ZCWPW1: variants seen among roughly 807,000 people sequenced by gnomAD.
ZCWPW1 encodes the protein zinc finger CW-type and PWWP domain containing 1, also known as zinc finger CW-type PWWP domain protein 1.
ZCWPW1 carries 56 observed loss-of-function variants against 81.3 expected under a neutral mutation model. The observed-to-expected ratio is 0.69, with a 90% CI of 0.56 to 0.86. The LOEUF (loss-of-function observed/expected upper bound fraction) is 0.86. ZCWPW1 is among the 40% of genes least tolerant of loss of function. ZCWPW1 has a pLI of 0.00. For synonymous variants in ZCWPW1, 250 were observed against 273.7 expected (o/e 0.91, Z 0.86); for missense variants, 650 against 769.8 (o/e 0.84, Z 1.84).
At chr7:100,424,407 G>A (rs746825816) in intron 2 of ZCWPW1, among the ~76,000 whole-genome samples, 26 of 152,166 alleles carry the variant, frequency 1.7e-4, no homozygotes, top group African/African-American at 4.6e-4. Flanking sequence ...GGACTCCCTC[G>A]TTTATCTTTG....
intron 8 of ZCWPW1, among the ~76,000 whole-genome samples, chr7:100,412,787 T>C (rs1794459457): frequency 6.6e-6 from 1 of 152,192 alleles, no homozygotes; most frequent in Admixed American, 6.5e-5. Flanking sequence ...TTCACCATGT[T>C]AGCCAGGATG....
intron 1 of ZCWPW1, among the ~76,000 whole-genome samples, chr7:100,426,058 T>A (rs530160765): frequency 9.2e-5 from 14 of 152,204 alleles, no homozygotes; most frequent in Non-Finnish European, 2.1e-4. Flanking sequence ...CCATTCAGAA[T>A]GTGTTCCCAA....
rs1381302840 is a variant in ZCWPW1 at position 100,408,520 on chromosome 7, CTG to C, written c.992+17_992+18del. ...CCCAAGTTTGTGAAGGATGCTCTGA[CTG>C]TGTCATAATGCCCTACCAGGGGTAA... On this transcript the variant is annotated intron_variant, in intron 10 of 17. Transcript: ENST00000684423. 3 of 1,608,826 alleles carry C rather than the reference CTG, an allele frequency of 1.9e-6. No individual in the cohort carries two copies. The highest frequency in any genetic ancestry group is 2.5e-6 in the Non-Finnish European group (3 of 1,178,040).
At position 100,417,178 on chromosome 7, in the gene ZCWPW1, C is replaced by A; in HGVS notation, c.367G>T (p.Gly123Ter). The A allele has an allele frequency of 6.2e-7, 1 of 1,613,354 alleles. No homozygotes were observed. Among genetic ancestry groups the A allele is most frequent in the Non-Finnish European group, 8.5e-7 (1 of 1,179,688 alleles). ...QKSLQECLGM[G>*]SGLDFAETSC... ...GTCTCTGCAAAATCAAGGCCAGATC[C>A]CATCCCTCCCAAAACAAAATACTAT... Residue 123 changes from glycine to a stop codon, truncating the protein, a stop_gained, in exon 6 of 18, where the codon GGA becomes TGA. Coordinates refer to ENST00000684423, the MANE Select transcript of ZCWPW1 (RefSeq NM_001386010.1). LOFTEE classifies it high-confidence loss of function.
chr7:100,417,053 GAAAT>G lies in ZCWPW1; in HGVS notation c.479+9_479+12del. The G allele has an allele frequency of 6.2e-7, 1 of 1,604,554 alleles. No individual in the cohort carries two copies. Among genetic ancestry groups the G allele is most frequent in the Non-Finnish European group, 8.5e-7 (1 of 1,171,596 alleles). On this transcript the variant is annotated intron_variant, in intron 6 of 17. Transcript: ENST00000684423. The stretch of plus-strand genomic sequence containing the variant: ...CATTCTGTGTTCAACTTGCCTCACT[GAAAT>G]AAACTTACCCATTAGCATTATCAGT...
chr7:100,425,195 T>C (rs1417796636), intron 1 of ZCWPW1, 59 bp from the exon 2 acceptor site: 1 of 152,208 alleles, frequency 6.6e-6, no homozygotes, highest in Non-Finnish European at 1.5e-5. Context: ...AAAATACCAC[T>C]AACTTTCTTC....
chr7:100,403,900 T>C (rs1266301092), intron 14 of ZCWPW1, 115 bp from the exon 15 acceptor site: 1 of 1,143,844 alleles, frequency 8.7e-7, no homozygotes, highest in Non-Finnish European at 1.3e-6. Context: ...ACAAGTGGTA[T>C]TTTCTCCATA....
Position 100,420,641 on chromosome 7 carries a change from T to G in ZCWPW1, c.9A>C (p.Thr3=). 6.2e-7 allele frequency: 1 copy of G among 1,614,100 alleles called. No individual in the cohort carries two copies. Among genetic ancestry groups the G allele is most frequent in the Non-Finnish European group, 8.5e-7 (1 of 1,180,024 alleles). ...ACTCACCTTCTTTATTCTGCAACGT[T>G]GTCATCATTCAGCTTAGAAACTACG... MM[T]TLQNKEECGK... The change falls in exon 3 of 18, where the codon ACA becomes ACC. Residue 3 remains threonine, a synonymous_variant. Transcript: ENST00000684423.
intron 2 of ZCWPW1, among the ~76,000 whole-genome samples, chr7:100,421,200 TGCCTAGAACCATGTCCA>T (rs1563148134): frequency 6.6e-6 from 1 of 152,154 alleles, no homozygotes; most frequent in African/African-American, 2.4e-5. Flanking sequence ...GTGTTTTATG[TGCCTAGAACCATGTCCA>T]GCCTAGAACC....
rs1563145753 is a variant in ZCWPW1 at position 100,419,619 on chromosome 7, A to G, written c.282+11T>C. On this transcript the variant is annotated intron_variant, in intron 4 of 17. Coordinates refer to ENST00000684423, the MANE Select transcript of ZCWPW1 (RefSeq NM_001386010.1). ...AAATCTCCTACCAGAGCCCACCACT[A>G]TGACTGGTACCTTTTCTTTCTTCTC... 6.2e-7 allele frequency: 1 copy of G among 1,604,570 alleles called. No individual in the cohort carries two copies. The highest frequency in any genetic ancestry group is 8.5e-7 in the Non-Finnish European group (1 of 1,176,536).
intron 15 of ZCWPW1, among the ~76,000 whole-genome samples, chr7:100,402,896 G>C (rs998338382): frequency 5.3e-5 from 8 of 152,188 alleles, no homozygotes; most frequent in Non-Finnish European, 8.8e-5. Context: ...GAGATGCTAA[G>C]AAAACAAGTG....
At chr7:100,407,402 T>A (rs1004885764) in intron 10 of ZCWPW1, 99 bp from the exon 11 acceptor site, 1 of 1,122,576 alleles carries the variant, frequency 8.9e-7, no homozygotes, top group Non-Finnish European at 1.3e-6. Flanking sequence ...GCAGTATGAT[T>A]TTTTTTCTGA....
At chr7:100,421,550 A>G (rs1342877882) in intron 2 of ZCWPW1, among the ~76,000 whole-genome samples, 3 of 152,248 alleles carry the variant, frequency 2.0e-5, no homozygotes, top group Non-Finnish European at 4.4e-5. Context: ...GAAGTATTTG[A>G]TAACCAGTAG....
Position 100,419,091 on chromosome 7 carries a change from T to G in ZCWPW1, c.361+20A>C. The G allele has an allele frequency of 6.2e-7, 1 of 1,608,016 alleles. No homozygotes were observed. The highest frequency in any genetic ancestry group is 8.5e-7 in the Non-Finnish European group (1 of 1,175,818). On this transcript the variant is annotated intron_variant, in intron 5 of 17. Transcript: ENST00000684423. ...GTCACTGCTTAACTGAAACCCTTTT[T>G]CTCTTACTACATGCCATACCCAAGC...
intron 5 of ZCWPW1, 22 bp from the exon 6 acceptor site, chr7:100,417,205 A>T: frequency 6.3e-7 from 1 of 1,594,146 alleles, no homozygotes; most frequent in Non-Finnish European, 8.6e-7. Context: ...AAATACTATA[A>T]GCAGAGAAGC....
rs201574533 is a variant in ZCWPW1, at chr7:100,406,758, C to G, written c.1109G>C (p.Arg370Pro). 1 of 1,613,982 alleles carries G rather than the reference C, an allele frequency of 6.2e-7. No homozygotes were observed. The highest frequency in any genetic ancestry group is 1.3e-5 in the African/African-American group (1 of 74,898). The change falls in exon 12 of 18, where the codon CGT becomes CCT. Residue 370 changes from arginine to proline, a missense_variant. Physicochemically the swap from Arg to Pro is moderately radical, Grantham distance 103. Coordinates refer to ENST00000684423, the MANE Select transcript of ZCWPW1 (RefSeq NM_001386010.1). ...HVTFFGETVS[R>P]AWIPVNMLKN... The stretch of plus-strand genomic sequence containing the variant: ...TAGCATGTTGACTGGGATCCATGCA[C>G]GAGAAACTGTTTCTCCAAAAAACGT...
chr7:100,412,797 G>T (rs1381425293), intron 8 of ZCWPW1, among the ~76,000 whole-genome samples: 1 of 152,136 alleles, frequency 6.6e-6, no homozygotes, highest in African/African-American at 2.4e-5. Context: ...TAGCCAGGAT[G>T]GTCTTGATCT....
chr7:100,405,053 G>A lies in ZCWPW1; in HGVS notation c.1214C>T (p.Ala405Val), dbSNP rs1412126028. ...RNDCSQKLGV[A>V]LMMAQEAEQI... ...TTCTGCCTCTTGAGCCATCATCAGG[G>A]CCACCCCCAGTTTCTGGCTGCAGTC... Residue 405 changes from alanine to valine, a missense_variant, in exon 13 of 18, where the codon GCC (alanine) becomes GTC (valine). Transcript: ENST00000684423. The A allele has an allele frequency of 1.9e-6, 3 of 1,613,464 alleles. No homozygotes were observed. The highest frequency in any genetic ancestry group is 1.3e-5 in the African/African-American group (1 of 74,986).
intron 12 of ZCWPW1, 148 bp downstream of exon 12, chr7:100,406,546 G>T: frequency 1.4e-6 from 1 of 705,460 alleles, no homozygotes. Context: ...GGAGCAAGAA[G>T]AGTCCTTCAT....
Sources: allele counts gnomAD v4.1 joint callset (sites outside exome capture counted in the v4.1 genomes callset), GRCh38; gene constraint gnomAD v4.1.1; transcripts MANE v1.5; gene names NCBI Gene and HGNC (gene_info 2026-07-23, HGNC 2026-07-21).